Variants in EN1 observed in about 807,000 individuals in gnomAD.
EN1 encodes homeobox protein engrailed-1.
EN1 carries 8 observed loss-of-function variants against 22.9 expected under a neutral mutation model. The ratio of observed to expected loss-of-function variants is 0.35; its 90% CI spans 0.20 to 0.63. The LOEUF (loss-of-function observed/expected upper bound fraction) is 0.63, where lower values mean the gene tolerates loss of function less well. EN1 is among the 20% of genes least tolerant of loss of function. The probability of loss-of-function intolerance (pLI) is 0.73; values close to 1 mark genes in which losing one functional copy is unlikely to be tolerated. For missense variants in EN1, 521 were observed against 572.1 expected, an observed-to-expected ratio of 0.91 and a Z score of 0.91; for synonymous variants, 287 against 262.5, an observed-to-expected ratio of 1.09 and a Z score of -0.90.
rs1248515075 is a variant in EN1 at position 118,847,093 on chromosome 2, G to T, written c.75C>A (p.Gly25=). The part of the protein sequence containing the change: ...ALGAAAAATP[G]GLSLSLSPGA... The stretch of plus-strand genomic sequence containing the variant: ...CCGGACTGAGGCTCAGGCTGAGGCC[G>T]CCCGGAGTCGCCGCCGCCGCCGCGC... The change falls in exon 1 of 2, where the codon GGC becomes GGA. Residue 25 remains glycine, a synonymous_variant. Coordinates refer to ENST00000295206, the MANE Select transcript of EN1 (RefSeq NM_001426.4). The T allele has an allele frequency of 2.1e-6, 3 of 1,407,984 alleles. No homozygotes were observed. The highest frequency in any genetic ancestry group is 1.9e-6 in the Non-Finnish European group (2 of 1,077,674). The allele number at this position is 1,407,984 out of a possible 1,614,324, so 87.2% of individuals were successfully genotyped here.
Position 118,842,418 on chromosome 2 carries a change from C to T in EN1, c.*520G>A, listed in dbSNP as rs1161386017. The T allele has an allele frequency of 6.6e-6, 1 of 150,526 alleles. No individual in the cohort carries two copies. The highest frequency in any genetic ancestry group is 1.5e-5 in the Non-Finnish European group (1 of 67,794). The allele number at this position is 150,526 out of a possible 1,614,324, so 9.3% of individuals were successfully genotyped here. On this transcript the variant is annotated 3_prime_UTR_variant, in exon 2 of 2. Transcript: ENST00000295206. ...AGAAAAGTCCCAGAGAAACCAGGGC[C>T]GGCGATGCGGGTCGGGAGGCACCGG...
chr2:118,847,123 G>A lies in EN1; in HGVS notation c.45C>T (p.Ala15=). Residue 15 remains alanine, a synonymous_variant, in exon 1 of 2, where the codon GCC becomes GCT. Coordinates refer to ENST00000295206, the MANE Select transcript of EN1 (RefSeq NM_001426.4). ...GAGTCGCCGCCGCCGCCGCGCCGAG[G>A]GCCGAGTCGCGCTGACTTTTAGGTT... The part of the protein sequence containing the change: ...QPEPKSQRDS[A]LGAAAAATPG... The A allele has an allele frequency of 1.5e-6, 2 of 1,342,310 alleles. No homozygotes were observed. Among genetic ancestry groups the A allele is most frequent in the Non-Finnish European group, 2.0e-6 (2 of 1,015,410 alleles). The allele number at this position is 1,342,310 out of a possible 1,614,324, so 83.1% of individuals were successfully genotyped here. A position where few individuals can be genotyped will look rare whatever the true frequency, so the allele number is the denominator to read the frequency against.
At chr2:118,844,891 T>C (rs925888558) in intron 1 of EN1, among the ~76,000 whole-genome samples, 1 of 152,164 alleles carries the variant, frequency 6.6e-6, no homozygotes. Context: ...AGAGCAGAAC[T>C]GGGGTTTTGA....
chr2:118,843,787 C>T (rs1455283499), intron 1 of EN1: 2 of 157,554 alleles, frequency 1.3e-5, no homozygotes, highest in African/African-American at 4.8e-5. Context: ...ACAGGAGAAA[C>T]TACAATAAGA....
In EN1 at chr2:118,842,863, T is replaced by C. The variant is rs1678211480; in HGVS notation, c.*75A>G. 3 of 1,515,046 alleles carry C rather than the reference T, an allele frequency of 2.0e-6. No homozygotes were observed. The East Asian group carries it at 7.0e-5, about 35-fold the overall frequency. 93.9% of individuals were successfully genotyped at this position (1,515,046 alleles called of 1,614,324 possible). A position where few individuals can be genotyped will look rare whatever the true frequency, so the allele number is the denominator to read the frequency against. On this transcript the variant is annotated 3_prime_UTR_variant, in exon 2 of 2. Coordinates refer to ENST00000295206, the MANE Select transcript of EN1 (RefSeq NM_001426.4). Reference sequence around the variant, plus strand: ...CTCCCTCCTTGGAGCAGATGCTTTCTCCCCCAGCGAGGGGCCGGGAGACGA... The same window carrying C: ...CTCCCTCCTTGGAGCAGATGCTTTCCCCCCCAGCGAGGGGCCGGGAGACGA...
Position 118,847,067 on chromosome 2 carries a change from C to T in EN1, c.101G>A (p.Gly34Asp). ...GCCGCTGCCGCTGCTGCCGCTGGCG[C>T]CCGGACTGAGGCTCAGGCTGAGGCC... ...PGGLSLSLSPGASGSSGSGSD... is the reference protein window; with the variant it reads ...PGGLSLSLSPDASGSSGSGSD... Residue 34 changes from glycine to aspartate, a missense_variant, in exon 1 of 2, where the codon GGC becomes GAC. Physicochemically the swap from Gly to Asp is moderately conservative, Grantham distance 94. Coordinates refer to ENST00000295206, the MANE Select transcript of EN1 (RefSeq NM_001426.4). 2 of 1,425,196 alleles carry T rather than the reference C, an allele frequency of 1.4e-6. No individual in the cohort carries two copies. The highest frequency in any genetic ancestry group is 9.2e-7 in the Non-Finnish European group (1 of 1,092,232). The allele number at this position is 1,425,196 out of a possible 1,614,324, so 88.3% of individuals were successfully genotyped here.
chr2:118,845,289 G>A (rs558521430), intron 1 of EN1, among the ~76,000 whole-genome samples: 1 of 152,196 alleles, frequency 6.6e-6, no homozygotes, highest in Non-Finnish European at 1.5e-5. Context: ...GCCGGACCGG[G>A]TGTCTGGAGT....
Position 118,846,198 on chromosome 2 carries a change from G to T in EN1, c.862+108C>A. The T allele has an allele frequency of 6.7e-7, 1 of 1,483,528 alleles. No individual in the cohort carries two copies. The highest frequency in any genetic ancestry group is 9.0e-7 in the Non-Finnish European group (1 of 1,108,652). 91.9% of individuals were successfully genotyped at this position (1,483,528 alleles called of 1,614,324 possible). ...CTGGGGTGAGGAAGCAGGCGTGAGAGACTGGAGTACCCGAGGCCGGGTTTG... is the reference window on the plus strand; with the variant it reads ...CTGGGGTGAGGAAGCAGGCGTGAGATACTGGAGTACCCGAGGCCGGGTTTG... On this transcript the variant is annotated intron_variant, in intron 1 of 1. Coordinates refer to ENST00000295206, the MANE Select transcript of EN1 (RefSeq NM_001426.4). The surrounding 1 kb of genome is among the most constrained non-coding windows in gnomAD (Gnocchi z 5.0).
chr2:118,846,999 G>A lies in EN1; in HGVS notation c.169C>T (p.Pro57Ser). ...AGGCAAGGCGCCGCGGGCGGCGAGGGGGGCGCAGGCTGCGGGGACACCGGC... is the reference window on the plus strand; with the variant it reads ...AGGCAAGGCGCCGCGGGCGGCGAGGAGGGCGCAGGCTGCGGGGACACCGGC... The part of the protein sequence containing the change: ...SVPVSPQPAP[P>S]SPPAAPCLPP... Residue 57 changes from proline (P) to serine (S), a missense_variant, in exon 1 of 2, where the codon CCC becomes TCC. By Grantham distance (74) the Pro-to-Ser change is moderately conservative. Transcript: ENST00000295206. This position sits in a 1 kb window ranked among gnomAD's most constrained non-coding sequence, Gnocchi z 5.0. The A allele has an allele frequency of 7.3e-7, 1 of 1,362,304 alleles. No homozygotes were observed. Among genetic ancestry groups the A allele is most frequent in the Non-Finnish European group, 9.4e-7 (1 of 1,068,118 alleles). 84.4% of individuals were successfully genotyped at this position (1,362,304 alleles called of 1,614,324 possible).
chr2:118,845,351 G>T (rs1030019100), intron 1 of EN1, among the ~76,000 whole-genome samples: 2 of 152,254 alleles, frequency 1.3e-5, no homozygotes, highest in Non-Finnish European at 2.9e-5. Context: ...GCGGGCCGGG[G>T]CGTCAGGCAG....
At position 118,846,553 on chromosome 2, in the gene EN1, GGCCGCC is replaced by G. The variant is rs769035512; in HGVS notation, c.609_614del (p.Ala207_Ala208del). The G allele has an allele frequency of 9.3e-6, 11 of 1,186,404 alleles. No individual in the cohort carries two copies. The Middle Eastern group carries it at 1.0e-3, about 108-fold the overall frequency. The allele number at this position is 1,186,404 out of a possible 1,614,324, so 73.5% of individuals were successfully genotyped here. On this transcript the variant is annotated inframe_deletion, in exon 1 of 2. Coordinates refer to ENST00000295206, the MANE Select transcript of EN1 (RefSeq NM_001426.4). This position sits in a 1 kb window ranked among gnomAD's most constrained non-coding sequence, Gnocchi z 5.0. Reference sequence around the variant, plus strand: ...CCGCCGCCGCCGCCACTGCCGCCGCGGCCGCCGCCGCCGCCGCAGCCGGGTTCCCAG... The same window carrying G: ...CCGCCGCCGCCGCCACTGCCGCCGCGGCCGCCGCCGCAGCCGGGTTCCCAG...
chr2:118,843,112 G>C lies in EN1; in HGVS notation c.1005C>G (p.Thr335=), dbSNP rs367986532. 1.2e-6 allele frequency: 2 copies of C among 1,613,840 alleles called. No homozygotes were observed. Among genetic ancestry groups the C allele is most frequent in the African/African-American group, 2.7e-5 (2 of 74,932 alleles). Residue 335 remains threonine, a synonymous_variant, in exon 2 of 2, where the codon ACC becomes ACG. Coordinates refer to ENST00000295206, the MANE Select transcript of EN1 (RefSeq NM_001426.4). ...NRYITEQRRQ[T]LAQELSLNES... ...CGTTGAGGCTGAGTTCCTGGGCCAGGGTCTGCCGCCGCTGCTCCGTGATGT... is the reference window on the plus strand; with the variant it reads ...CGTTGAGGCTGAGTTCCTGGGCCAGCGTCTGCCGCCGCTGCTCCGTGATGT...
rs1174835496 is a variant in EN1 at position 118,847,023 on chromosome 2, G to A, written c.145C>T (p.Pro49Ser). 3 of 1,405,864 alleles carry A rather than the reference G, an allele frequency of 2.1e-6. No homozygotes were observed. Among genetic ancestry groups the A allele is most frequent in the Admixed American group, 2.9e-5 (1 of 34,644 alleles). 87.1% of individuals were successfully genotyped at this position (1,405,864 alleles called of 1,614,324 possible). A position where few individuals can be genotyped will look rare whatever the true frequency, so the allele number is the denominator to read the frequency against. The stretch of plus-strand genomic sequence containing the variant: ...GGGGGCGCAGGCTGCGGGGACACCG[G>A]CACGCTGTCTCCATCGCTGCCGCTG... ...SGSGSDGDSV[P>S]VSPQPAPPSP... is the part of the protein sequence containing the mutation. The change falls in exon 1 of 2, where the codon CCG (proline) becomes TCG (serine). Residue 49 changes from proline (P) to serine (S), a missense_variant. Pro to Ser is a moderately conservative substitution (Grantham distance 74, BLOSUM62 -1). Around this residue, in one of 3 missense-constraint regions of EN1, gnomAD observed 436 missense variants for 410.1 expected, o/e 1.06. Transcript: ENST00000295206.
rs1678285222 is a variant in EN1 at position 118,846,906 on chromosome 2, C to T, written c.262G>A (p.Ala88Thr). Residue 88 changes from alanine (A) to threonine (T), a missense_variant, in exon 1 of 2, where the codon GCG (alanine) becomes ACG (threonine). Physicochemically the swap from Ala to Thr is moderately conservative, Grantham distance 58. Transcript: ENST00000295206. This position sits in a 1 kb window ranked among gnomAD's most constrained non-coding sequence, Gnocchi z 5.0. The stretch of plus-strand genomic sequence containing the variant: ...GCTGGCTGCGGCTGGTGAGCAGGCG[C>T]CGCGAGATGCTGAGGCGGCGGGGGC... Reference protein sequence around the residue: ...PPPPPPQHLAAPAHQPQPAAQ... With the variant: ...PPPPPPQHLATPAHQPQPAAQ... 3 of 1,559,684 alleles carry T rather than the reference C, an allele frequency of 1.9e-6. No homozygotes were observed. Among genetic ancestry groups the T allele is most frequent in the Non-Finnish European group, 2.6e-6 (3 of 1,162,042 alleles).
chr2:118,843,470 C>T (rs1418722454), intron 1 of EN1, among the ~76,000 whole-genome samples: 4 of 152,258 alleles, frequency 2.6e-5, no homozygotes, highest in African/African-American at 9.6e-5. Context: ...ACTGGGGTCC[C>T]CGGGTTCCCT....
At position 118,842,714 on chromosome 2, in the gene EN1, A is replaced by C. The variant is rs536277496; in HGVS notation, c.*224T>G. 1.6e-4 allele frequency: 127 copies of C among 779,206 alleles called. No homozygotes were observed. In the South Asian group the frequency reaches 2.5e-3, roughly 15 times the overall value. 48.3% of individuals were successfully genotyped at this position (779,206 alleles called of 1,614,324 possible). A position where few individuals can be genotyped will look rare whatever the true frequency, so the allele number is the denominator to read the frequency against. On this transcript the variant is annotated 3_prime_UTR_variant, in exon 2 of 2. Transcript: ENST00000295206. ...TCGTCCCTTATACTGGGAATAGAGAATGGATCTTATTTTTCGATAGCACCT... is the reference window on the plus strand; with the variant it reads ...TCGTCCCTTATACTGGGAATAGAGACTGGATCTTATTTTTCGATAGCACCT...
chr2:118,844,730 A>C (rs1678242700), intron 1 of EN1, among the ~76,000 whole-genome samples: 1 of 152,206 alleles, frequency 6.6e-6, no homozygotes, highest in Non-Finnish European at 1.5e-5. Flanking sequence ...TATGACAAAG[A>C]GTCCAGGCCT....
At chr2:118,845,181 T>C (rs985494437) in intron 1 of EN1, among the ~76,000 whole-genome samples, 12 of 152,300 alleles carry the variant, frequency 7.9e-5, no homozygotes, top group African/African-American at 2.6e-4. Flanking sequence ...TGGCGGGAGC[T>C]GATAGTGCGC....
In EN1 at chr2:118,843,220, G is replaced by T. The variant is rs369801550; in HGVS notation, c.897C>A (p.Asn299Lys). Residue 299 changes from asparagine to lysine, a missense_variant, in exon 2 of 2, where the codon AAC (asparagine) becomes AAA (lysine). Coordinates refer to ENST00000295206, the MANE Select transcript of EN1 (RefSeq NM_001426.4). ...TCCGCGGCCGCTTGTCCTCCTTCTCGTTCTTCTTCTTCTTCAGCTTCCTGG... is the reference window on the plus strand; with the variant it reads ...TCCGCGGCCGCTTGTCCTCCTTCTCTTTCTTCTTCTTCTTCAGCTTCCTGG... ...PRTRKLKKKKNEKEDKRPRTA... is the reference protein window; with the variant it reads ...PRTRKLKKKKKEKEDKRPRTA... The T allele has an allele frequency of 3.4e-6, 5 of 1,470,780 alleles. No individual in the cohort carries two copies. Among genetic ancestry groups the T allele is most frequent in the Non-Finnish European group, 4.5e-6 (5 of 1,099,460 alleles). The allele number at this position is 1,470,780 out of a possible 1,614,324, so 91.1% of individuals were successfully genotyped here. A position where few individuals can be genotyped will look rare whatever the true frequency, so the allele number is the denominator to read the frequency against.
Sources: gnomAD v4.1 joint callset for allele counts (sites outside exome capture counted in the v4.1 genomes callset) on GRCh38, gnomAD v4.1.1 for gene constraint, gnomAD v4.1.1 regional missense constraint, Gnocchi (gnomAD v3.1) non-coding constraint, MANE v1.5 for transcripts, NCBI Gene and HGNC (gene_info 2026-07-23, HGNC 2026-07-21) for gene names.